Variants in CNTNAP3 observed in about 807,000 individuals in gnomAD.
CNTNAP3 encodes the protein contactin-associated protein-like 3.
Under a neutral mutation model 92.1 loss-of-function variants are expected in CNTNAP3, and 36 were observed. The ratio of observed to expected loss-of-function variants is 0.39; its 90% CI spans 0.30 to 0.52. The LOEUF is 0.52. Ranked by LOEUF, CNTNAP3 falls within the 20% of genes least tolerant of loss-of-function variation. The pLI is 0.76. For synonymous variants in CNTNAP3, 232 were observed against 422.3 expected (o/e 0.55, Z 5.53); for missense variants, 534 against 1,069.6 (o/e 0.50, Z 6.98).
At chr9:39,143,145 A>G (rs541006350) in intron 11 of CNTNAP3, among the ~76,000 whole-genome samples, 1 of 144,426 alleles carries the variant, frequency 6.9e-6, no homozygotes, top group East Asian at 2.0e-4. Context: ...TTAGAGGTCA[A>G]TAAAATGGCA....
At chr9:39,143,143 CA>C (rs1232660914) in intron 11 of CNTNAP3, among the ~76,000 whole-genome samples, 3 of 146,834 alleles carry the variant, frequency 2.0e-5, no homozygotes, top group Admixed American at 6.7e-5. Flanking sequence ...GGTTAGAGGT[CA>C]ATAAAATGGC....
chr9:39,078,691 T>C lies in CNTNAP3; in HGVS notation c.3672A>G (p.Ala1224=). 2.0e-6 allele frequency: 3 copies of C among 1,536,844 alleles called. No individual in the cohort carries two copies. The highest frequency in any genetic ancestry group is 2.6e-6 in the Non-Finnish European group (3 of 1,144,108). The change falls in exon 22 of 24, where the codon GCA becomes GCG. Residue 1224 remains alanine (A), a splice_region_variant and synonymous_variant. Coordinates refer to ENST00000297668, the MANE Select transcript of CNTNAP3 (RefSeq NM_033655.5). ...GCGCAGGGGTGGAGGGCCACACACC[T>C]GCGCCCCCCGCGAGTCGGGGAGCCA... ...RELAPRLAGG[A]GRSGPADEGE...
chr9:39,080,943 G>A (rs373129440), intron 21 of CNTNAP3, among the ~76,000 whole-genome samples: 4 of 140,872 alleles, frequency 2.8e-5, no homozygotes, highest in East Asian at 4.6e-4. Context: ...AGGATTACAG[G>A]CATGAGCCAC....
At chr9:39,087,765 C>T (rs1338775181) in intron 19 of CNTNAP3, among the ~76,000 whole-genome samples, 1 of 152,136 alleles carries the variant, frequency 6.6e-6, no homozygotes, top group Non-Finnish European at 1.5e-5. Context: ...CGATTACAGG[C>T]GTGAGCCACC....
chr9:39,131,811 G>A (rs1453029638), intron 13 of CNTNAP3, among the ~76,000 whole-genome samples: 2 of 151,482 alleles, frequency 1.3e-5, no homozygotes, highest in Non-Finnish European at 2.9e-5. Context: ...CTGGGTGACA[G>A]AGAGGCCAAT....
intron 13 of CNTNAP3, among the ~76,000 whole-genome samples, chr9:39,125,781 T>C (rs1821141287): frequency 6.6e-6 from 1 of 152,128 alleles, no homozygotes; most frequent in Non-Finnish European, 1.5e-5. Flanking sequence ...CAAGAAGATA[T>C]AATAATGCTT....
intron 13 of CNTNAP3, among the ~76,000 whole-genome samples, chr9:39,128,611 A>G (rs1821203744): frequency 6.6e-6 from 1 of 152,038 alleles, no homozygotes; most frequent in Non-Finnish European, 1.5e-5. Flanking sequence ...TTCCCCTAAG[A>G]CAGGAAACAA....
intron 23 of CNTNAP3, among the ~76,000 whole-genome samples, chr9:39,077,595 A>AAACAAAC (rs1564066621): frequency 1.7e-5 from 2 of 119,248 alleles, no homozygotes; most frequent in Non-Finnish European, 3.8e-5. Flanking sequence ...AACAAACAAA[A>AAACAAAC]AACTTCTTAA....
At chr9:39,122,825 G>A (rs140537500) in intron 13 of CNTNAP3, among the ~76,000 whole-genome samples, 2 of 152,226 alleles carry the variant, frequency 1.3e-5, no homozygotes, top group African/African-American at 4.8e-5. Context: ...TATGCTAAGG[G>A]CTCTATGTTG....
chr9:39,148,259 C>CT (rs1317513382), intron 10 of CNTNAP3, among the ~76,000 whole-genome samples: 2 of 152,126 alleles, frequency 1.3e-5, no homozygotes, highest in African/African-American at 4.8e-5. Flanking sequence ...TACTCCTCAT[C>CT]TTTGAATTAA....
chr9:39,089,500 A>T (rs1826142206), intron 18 of CNTNAP3, among the ~76,000 whole-genome samples: 1 of 152,166 alleles, frequency 6.6e-6, no homozygotes, highest in African/African-American at 2.4e-5. Flanking sequence ...CTTTTTGACT[A>T]TTATAAATAA....
intron 13 of CNTNAP3, among the ~76,000 whole-genome samples, chr9:39,128,861 G>C (rs1436288389): frequency 6.7e-6 from 1 of 149,352 alleles, no homozygotes; most frequent in African/African-American, 2.5e-5. Context: ...ATTCTAACAA[G>C]AAACATGTAA....
chr9:39,109,029 T>G lies in CNTNAP3; in HGVS notation c.2365+131A>C. ...TGACTGTGCCTTTATGGTATGTGTG[T>G]TTTCCTGATATTCGCCCCAGTCCTA... On this transcript the variant is annotated intron_variant, in intron 15 of 23. Transcript: ENST00000297668. The G allele has an allele frequency of 4.3e-6, 6 of 1,405,918 alleles. No individual in the cohort carries two copies. The South Asian group carries it at 7.7e-5, about 18-fold the overall frequency. 87.1% of individuals were successfully genotyped at this position (1,405,918 alleles called of 1,614,324 possible).
At position 39,133,009 on chromosome 9, in the gene CNTNAP3, G is replaced by T. The variant is rs776427520; in HGVS notation, c.2003C>A (p.Ser668Tyr). The change falls in exon 13 of 24, where the codon TCC becomes TAC. Residue 668 changes from serine (S) to tyrosine (Y), a missense_variant. Physicochemically the swap from Ser to Tyr is moderately radical, Grantham distance 144. Transcript: ENST00000297668. ...AYAAGAGQLR[S>Y]AVNLAERCEQ... is the part of the protein sequence containing the mutation. ...GCAGCGCTCCGCCAGGTTCACCGCG[G>T]ACCGCAGCTGCCCCGCGCCCGCTGC... 10 of 1,539,470 alleles carry T rather than the reference G, an allele frequency of 6.5e-6. No individual in the cohort carries two copies. The African/African-American group carries it at 9.6e-5, about 15-fold the overall frequency.
rs751147624 is a variant in CNTNAP3, at chr9:39,140,561, T to C, written c.1834A>G (p.Ser612Gly). ...SGLYYIDADG[S>G]GPLGPFLVYC... ...ACAAGAAATGGTCCCAGGGGGCCAC[T>C]TCCATCTGCATCAATATAGTAAAGC... Residue 612 changes from serine (S) to glycine (G), a missense_variant, in exon 12 of 24, where the codon AGT (serine) becomes GGT (glycine). Ser to Gly is a moderately conservative substitution (Grantham distance 56, BLOSUM62 0). Transcript: ENST00000297668. 10 of 1,613,722 alleles carry C rather than the reference T, an allele frequency of 6.2e-6. No individual in the cohort carries two copies. In the East Asian group the frequency reaches 1.8e-4, roughly 29 times the overall value.
Position 39,114,035 on chromosome 9 carries a change from TACACACACACACAC to T in CNTNAP3, c.2237+4054_2237+4067del, listed in dbSNP as rs767827479. Among the ~76,000 whole-genome samples the T allele has an allele frequency of 8.5e-4, 121 of 141,532 alleles. 1 individual carries two copies. The highest frequency in any genetic ancestry group is 3.2e-3 in the African/African-American group (114 of 36,032). The allele number at this position is 141,532 out of a possible 152,430, so 92.9% of individuals were successfully genotyped here. ...ACACACATATATATACACACATATA[TACACACACACACAC>T]ACACACATATATATATATACACACA... is the stretch of plus-strand genomic sequence containing the variant. On this transcript the variant is annotated intron_variant, in intron 14 of 23. Transcript: ENST00000297668.
chr9:39,087,325 C>T (rs904143555), intron 19 of CNTNAP3, among the ~76,000 whole-genome samples: 1 of 152,250 alleles, frequency 6.6e-6, no homozygotes, highest in African/African-American at 2.4e-5. Context: ...AAGTCTTCTG[C>T]CATAATCCAA....
Position 39,108,272 on chromosome 9 carries a change from T to TC in CNTNAP3, c.2365+887dup, listed in dbSNP as rs374672158. 1.5e-3 allele frequency among the ~76,000 whole-genome samples: 224 copies of TC among 151,226 alleles called. 2 individuals are homozygous for TC. Among genetic ancestry groups the TC allele is most frequent in the Middle Eastern group, 0.01 (3 of 294 alleles). ...CTTCATCAAGCAGGAGACAAGCCGG[T>TC]CCCCCCCCTCTCTGGGGAGTGAGTA... On this transcript the variant is annotated intron_variant, in intron 15 of 23. Transcript: ENST00000297668.
intron 12 of CNTNAP3, among the ~76,000 whole-genome samples, chr9:39,136,615 C>T (rs1486196797): frequency 6.6e-6 from 1 of 151,918 alleles, no homozygotes; most frequent in Non-Finnish European, 1.5e-5. Context: ...TTTACTTTTA[C>T]CTGGCCTGGG....
Sources: gnomAD v4.1 joint callset for allele counts (sites outside exome capture counted in the v4.1 genomes callset) on GRCh38, gnomAD v4.1.1 for gene constraint, MANE v1.5 for transcripts, NCBI Gene and HGNC (gene_info 2026-07-23, HGNC 2026-07-21) for gene names.